Variants in MSR1 observed in about 807,000 individuals in gnomAD.
MSR1 encodes macrophage scavenger receptor 1, also known as macrophage scavenger receptor types I and II.
In MSR1, 53 loss-of-function variants were observed where a neutral mutation model predicts 47.2. The observed-to-expected ratio is 1.12, with a 90% CI of 0.90 to 1.41. The LOEUF is 1.41. MSR1 is among the 40% of genes most tolerant of loss of function. The pLI is 0.00. For missense variants in MSR1, 786 were observed against 546.9 expected (o/e 1.44, Z -4.36); for synonymous variants, 239 against 185.6 (o/e 1.29, Z -2.34).
intron 8 of MSR1, chr8:16,139,186 C>T (rs1025759170): frequency 5.1e-6 from 4 of 790,158 alleles, no homozygotes; most frequent in Non-Finnish European, 6.1e-6. Flanking sequence ...CTCTTTTTGC[C>T]ATGACATTTA....
chr8:16,189,406 T>A (rs1458178674), intron 1 of MSR1, among the ~76,000 whole-genome samples: 1 of 101,290 alleles, frequency 9.9e-6, no homozygotes, highest in African/African-American at 5.6e-5. Flanking sequence ...ATATATATTT[T>A]ATATATATTT....
intron 1 of MSR1, 68 bp from the exon 2 acceptor site, chr8:16,178,060 T>C: frequency 3.2e-6 from 4 of 1,252,232 alleles, no homozygotes; most frequent in Non-Finnish European, 4.6e-6. Context: ...GCATAATGTT[T>C]TAAACTGAAA....
Position 16,168,847 on chromosome 8 carries a change from T to C in MSR1, c.241A>G (p.Lys81Glu), listed in dbSNP as rs889795505. Reference protein sequence around the residue: ...VAAQLLKWETKNCSVSSTNAN... With the variant: ...VAAQLLKWETENCSVSSTNAN... ...TTAGTTGAACTAACTGAGCAATTCT[T>C]CGTTTCCCACTTCAGGAGTTGAGCT... The change falls in exon 4 of 10, where the codon AAG becomes GAG. Residue 81 changes from lysine to glutamate, a missense_variant. Transcript: ENST00000262101. The C allele has an allele frequency of 1.1e-5, 17 of 1,613,500 alleles. No individual in the cohort carries two copies. Among genetic ancestry groups the C allele is most frequent in the Non-Finnish European group, 1.4e-5 (16 of 1,180,014 alleles).
At chr8:16,180,863 C>A (rs554457850) in intron 1 of MSR1, among the ~76,000 whole-genome samples, 1 of 152,138 alleles carries the variant, frequency 6.6e-6, no homozygotes, top group Non-Finnish European at 1.5e-5. Flanking sequence ...CTATGTTGAT[C>A]TGACCAAGGA....
At chr8:16,116,305 C>A (rs1204138368) in intron 9 of MSR1, among the ~76,000 whole-genome samples, 1 of 152,062 alleles carries the variant, frequency 6.6e-6, no homozygotes, top group African/African-American at 2.4e-5. Flanking sequence ...ATAACCACAG[C>A]TAAAATTTAA....
intron 8 of MSR1, chr8:16,139,743 A>T (rs1291667103): frequency 4.3e-6 from 3 of 700,660 alleles, no homozygotes. Context: ...TACACTTCAA[A>T]ACTTAAAAAA....
intron 9 of MSR1, among the ~76,000 whole-genome samples, chr8:16,113,647 T>C (rs1319399598): frequency 6.6e-6 from 1 of 152,160 alleles, no homozygotes; most frequent in African/African-American, 2.4e-5. Context: ...TGTAGTTTTG[T>C]GCTTATAGAG....
intron 9 of MSR1, among the ~76,000 whole-genome samples, chr8:16,113,881 T>C (rs1360635405): frequency 6.6e-6 from 1 of 150,898 alleles, no homozygotes; most frequent in Non-Finnish European, 1.5e-5. Context: ...TTGACCCTTC[T>C]TCCCACTCCC....
chr8:16,191,816 T>C (rs1164256243), intron 1 of MSR1, among the ~76,000 whole-genome samples: 1 of 152,222 alleles, frequency 6.6e-6, no homozygotes, highest in Non-Finnish European at 1.5e-5. Context: ...CCTCCCATTA[T>C]ATGCTGTGTG....
intron 5 of MSR1, among the ~76,000 whole-genome samples, chr8:16,161,033 A>ATTTTTT (rs201538682): frequency 7.6e-6 from 1 of 130,866 alleles, no homozygotes; most frequent in African/African-American, 2.8e-5. Flanking sequence ...CTTAAATAGC[A>ATTTTTT]TTTTTTTTTT....
At chr8:16,132,410 G>C (rs1256298652) in intron 8 of MSR1, among the ~76,000 whole-genome samples, 3 of 152,046 alleles carry the variant, frequency 2.0e-5, no homozygotes, top group South Asian at 2.1e-4. Context: ...GGGTTTTCTA[G>C]ATATAGAATC....
intron 4 of MSR1, among the ~76,000 whole-genome samples, chr8:16,166,585 T>C (rs1316288047): frequency 6.6e-6 from 1 of 152,064 alleles, no homozygotes; most frequent in East Asian, 1.9e-4. Context: ...AAATCCTATA[T>C]AGCATCCACA....
At chr8:16,153,437 C>T (rs1459861155) in intron 6 of MSR1, among the ~76,000 whole-genome samples, 1 of 151,898 alleles carries the variant, frequency 6.6e-6, no homozygotes, top group Non-Finnish European at 1.5e-5. Context: ...CCCAGGAACT[C>T]GACCTGTCTT....
At chr8:16,122,774 CTG>C (rs1452316015) in intron 8 of MSR1, among the ~76,000 whole-genome samples, 1 of 151,278 alleles carries the variant, frequency 6.6e-6, no homozygotes, top group African/African-American at 2.4e-5. Context: ...GAATGGCTGA[CTG>C]TAAATTTCTG....
intron 3 of MSR1, among the ~76,000 whole-genome samples, chr8:16,169,973 ACAATCTAATTAT>A (rs1304259787): frequency 6.6e-6 from 1 of 152,146 alleles, no homozygotes; most frequent in Non-Finnish European, 1.5e-5. Flanking sequence ...TGTTCTCTAA[ACAATCTAATTAT>A]CATTCTGAAA....
Position 16,109,065 on chromosome 8 carries a change from C to T in MSR1, c.*1020G>A, listed in dbSNP as rs1230297826. On this transcript the variant is annotated 3_prime_UTR_variant, in exon 10 of 10. Coordinates refer to ENST00000262101, the MANE Select transcript of MSR1 (RefSeq NM_138715.3). ...GGGTTTCAGGGTAGCTTTTCACACT[C>T]TACACTATGGCCCTGGGGATGGGTT... 6.6e-6 allele frequency: 1 copy of T among 151,986 alleles called. No homozygotes were observed. The highest frequency in any genetic ancestry group is 2.4e-5 in the African/African-American group (1 of 41,356). 9.4% of individuals were successfully genotyped at this position (151,986 alleles called of 1,614,324 possible). A position where few individuals can be genotyped will look rare whatever the true frequency, so the allele number is the denominator to read the frequency against.
intron 9 of MSR1, among the ~76,000 whole-genome samples, chr8:16,110,811 T>C (rs745786422): frequency 3.3e-5 from 5 of 152,116 alleles, no homozygotes; most frequent in Non-Finnish European, 7.4e-5. Context: ...AAATCATGGA[T>C]TAAGAATGCT....
At chr8:16,137,037 G>T (rs924779613) in intron 8 of MSR1, among the ~76,000 whole-genome samples, 1 of 80,418 alleles carries the variant, frequency 1.2e-5, no homozygotes, top group Non-Finnish European at 4.7e-5. Flanking sequence ...AGTACATTAT[G>T]GAGTTAAAAA....
chr8:16,164,292 C>T, intron 4 of MSR1, 41 bp from the exon 5 acceptor site: 2 of 1,541,640 alleles, frequency 1.3e-6, no homozygotes, highest in South Asian at 1.1e-5. Context: ...TTGTTACATA[C>T]ATAATTATCA....
Sources: allele counts gnomAD v4.1 joint callset (sites outside exome capture counted in the v4.1 genomes callset), GRCh38; gene constraint gnomAD v4.1.1; transcripts MANE v1.5; gene names NCBI Gene and HGNC (gene_info 2026-07-23, HGNC 2026-07-21).